The following KRT84 variants were observed in gnomAD, a reference collection of about 807,000 sequenced individuals.
The protein encoded by KRT84 is keratin, type II cuticular Hb4.
Under a neutral mutation model 49.0 loss-of-function variants are expected in KRT84, and 38 were observed. The ratio of observed to expected loss-of-function variants is 0.78; its 90% CI spans 0.60 to 1.02. The LOEUF (loss-of-function observed/expected upper bound fraction) is 1.02. Ranked by LOEUF, KRT84 falls within the 50% of genes least tolerant of loss-of-function variation. The pLI, the probability that KRT84 is intolerant of heterozygous loss-of-function variation, is 0.00. For missense variants in KRT84, 860 were observed against 788.6 expected (o/e 1.09, Z -1.08); for synonymous variants, 334 against 312.8 (o/e 1.07, Z -0.72).
rs1939508933 is a variant in KRT84, at chr12:52,382,908, C to G, written c.816+97G>C. Reference sequence around the variant, plus strand: ...TCCACTGTCTTGATGTGAGTAGTCCCAGACTCCACAGGGCTGCCTGAGCAG... The same window carrying G: ...TCCACTGTCTTGATGTGAGTAGTCCGAGACTCCACAGGGCTGCCTGAGCAG... On this transcript the variant is annotated intron_variant, in intron 3 of 8. Transcript: ENST00000257951. The G allele has an allele frequency of 5.5e-5, 54 of 986,436 alleles. No homozygotes were observed. In the South Asian group the frequency reaches 6.5e-4, roughly 12 times the overall value. The allele number at this position is 986,436 out of a possible 1,614,324, so 61.1% of individuals were successfully genotyped here. A position where few individuals can be genotyped will look rare whatever the true frequency, so the allele number is the denominator to read the frequency against.
At position 52,385,222 on chromosome 12, in the gene KRT84, A is replaced by C. The variant is rs144471272; in HGVS notation, c.364T>G (p.Phe122Val). 4,188 of 1,613,704 alleles carry C rather than the reference A, an allele frequency of 2.6e-3. 6 individuals are homozygous for C. Among genetic ancestry groups the C allele is most frequent in the Non-Finnish European group, 3.2e-3 (3,827 of 1,179,722 alleles). ...GIGYGFGGPGFGYRVGGVGVP... is the reference protein window; with the variant it reads ...GIGYGFGGPGVGYRVGGVGVP... ...CCAACCCCTCCAACTCTGTAACCAA[A>C]GCCAGGGCCACCAAAGCCATAGCCA... Residue 122 changes from phenylalanine (F) to valine (V), a missense_variant, in exon 1 of 9, where the codon TTT becomes GTT. Coordinates refer to ENST00000257951, the MANE Select transcript of KRT84 (RefSeq NM_033045.4).
intron 8 of KRT84, among the ~76,000 whole-genome samples, chr12:52,378,656 A>G (rs569930976): frequency 6.6e-6 from 1 of 152,370 alleles, no homozygotes; most frequent in South Asian, 2.1e-4. Context: ...GTTGACTGTC[A>G]TTTATATACG....
In KRT84 at chr12:52,385,601, G is replaced by A. The variant is rs1216329754; in HGVS notation, c.-16C>T. 7.5e-6 allele frequency: 12 copies of A among 1,608,056 alleles called. No individual in the cohort carries two copies. The highest frequency in any genetic ancestry group is 6.6e-5 in the South Asian group (6 of 90,414). On this transcript the variant is annotated 5_prime_UTR_variant, in exon 1 of 9. Transcript: ENST00000257951. The stretch of plus-strand genomic sequence containing the variant: ...GGCAAGACATGATGGCTTCCTGGTT[G>A]GGAGCAAAAGAGCAAGTGTAGAATG...
Position 52,380,479 on chromosome 12 carries a change from C to T in KRT84, c.1308G>A (p.Gln436=). The T allele has an allele frequency of 1.9e-6, 3 of 1,614,096 alleles. No individual in the cohort carries two copies. The highest frequency in any genetic ancestry group is 2.5e-6 in the Non-Finnish European group (3 of 1,179,912). ...KLADLECALQ[Q]AKQDMARQLC... ...GCTGCCGCGCCATGTCCTGCTTGGC[C>T]TGCTGCAGGGCACACTCCAGATCTG... Residue 436 remains glutamine, a synonymous_variant, in exon 7 of 9, where the codon CAG becomes CAA. Transcript: ENST00000257951.
chr12:52,385,274 AC>A lies in KRT84; in HGVS notation c.311del (p.Gly104ValfsTer37). The A allele has an allele frequency of 6.2e-7, 1 of 1,614,082 alleles. No individual in the cohort carries two copies. The highest frequency in any genetic ancestry group is 8.5e-7 in the Non-Finnish European group (1 of 1,180,024). ...GLGPRADSCV[G>X]LGFGAGSGIG... ...TGCCACTGCCAGCTCCAAAGCCCAG[AC>A]CAACACAGCTGTCAGCCCTAGGCCC... On this transcript the variant is annotated frameshift_variant, in exon 1 of 9. Transcript: ENST00000257951. LOFTEE classifies it high-confidence loss of function.
chr12:52,385,051 A>C lies in KRT84; in HGVS notation c.535T>G (p.Phe179Val). 6.2e-7 allele frequency: 1 copy of C among 1,607,088 alleles called. No homozygotes were observed. The highest frequency in any genetic ancestry group is 8.5e-7 in the Non-Finnish European group (1 of 1,176,676). Reference protein sequence around the residue: ...IKTLNNKFASFIDKVRFLEQQ... With the variant: ...IKTLNNKFASVIDKVRFLEQQ... ...GCTATCATAGGTACCTTGTCAATGA[A>C]GGAGGCAAACTTGTTGTTGAGGGTC... The change falls in exon 1 of 9, where the codon TTC becomes GTC. Residue 179 changes from phenylalanine (F) to valine (V), a missense_variant. Physicochemically the swap from Phe to Val is conservative, Grantham distance 50 (BLOSUM62 -1). Coordinates refer to ENST00000257951, the MANE Select transcript of KRT84 (RefSeq NM_033045.4).
chr12:52,384,976 A>G, intron 1 of KRT84, 64 bp downstream of exon 1: 1 of 1,490,166 alleles, frequency 6.7e-7, no homozygotes, highest in Non-Finnish European at 9.1e-7. Flanking sequence ...TTTAAGGGAA[A>G]GAGCACTCTA....
At chr12:52,381,935 C>G (rs1322677377) in intron 4 of KRT84, among the ~76,000 whole-genome samples, 1 of 152,142 alleles carries the variant, frequency 6.6e-6, no homozygotes, top group South Asian at 2.1e-4. Context: ...ATCCCAAGCC[C>G]TTAATAGAAG....
rs553153850 is a variant in KRT84, at chr12:52,380,216, G to C, written c.1424+147C>G. ...GAGCCTTCTTCTGATTCCCTGACAA[G>C]GGCAATGCAACTAATGTTTGCAGAG... On this transcript the variant is annotated intron_variant, in intron 7 of 8. Coordinates refer to ENST00000257951, the MANE Select transcript of KRT84 (RefSeq NM_033045.4). The C allele has an allele frequency of 3.0e-4, 298 of 1,003,184 alleles. 1 individual carries two copies. In the African/African-American group the frequency reaches 4.4e-3, roughly 15 times the overall value. 62.1% of individuals were successfully genotyped at this position (1,003,184 alleles called of 1,614,324 possible). A position where few individuals can be genotyped will look rare whatever the true frequency, so the allele number is the denominator to read the frequency against.
At chr12:52,379,137 A>T (rs914073454) in intron 8 of KRT84, among the ~76,000 whole-genome samples, 1 of 152,184 alleles carries the variant, frequency 6.6e-6, no homozygotes, top group African/African-American at 2.4e-5. Context: ...TGTAGCTCTG[A>T]CTGTCTGACC....
chr12:52,383,410 TC>T lies in KRT84; in HGVS notation c.755+179del, dbSNP rs142699874. On this transcript the variant is annotated intron_variant, in intron 2 of 8. Coordinates refer to ENST00000257951, the MANE Select transcript of KRT84 (RefSeq NM_033045.4). ...AAGATACTGAACATGGGCACCTTTTTCCTCAGGAGGGCCTCCTCTTCTCTGT... is the reference window on the plus strand; with the variant it reads ...AAGATACTGAACATGGGCACCTTTTTCTCAGGAGGGCCTCCTCTTCTCTGT... Among the ~76,000 whole-genome samples the T allele has an allele frequency of 5.3e-5, 8 of 152,314 alleles. No individual in the cohort carries two copies. In the East Asian group the frequency reaches 1.2e-3, roughly 22 times the overall value.
chr12:52,383,112 G>T, intron 2 of KRT84, 47 bp from the exon 3 acceptor site: 2 of 1,506,148 alleles, frequency 1.3e-6, no homozygotes, highest in Non-Finnish European at 1.8e-6. Context: ...GAACTGAGAG[G>T]CAGTTACTCC....
rs1224804209 is a variant in KRT84, at chr12:52,382,461, G to C, written c.888C>G (p.Asp296Glu). The change falls in exon 4 of 9, where the codon GAC (aspartate) becomes GAG (glutamate). Residue 296 changes from aspartate to glutamate, a missense_variant. Coordinates refer to ENST00000257951, the MANE Select transcript of KRT84 (RefSeq NM_033045.4). ...CCTCCATGTAAAGCGTTTTTAGAAAGTCAATTTCCTGAGTTAGGGTATCCA... is the reference window on the plus strand; with the variant it reads ...CCTCCATGTAAAGCGTTTTTAGAAACTCAATTTCCTGAGTTAGGGTATCCA... ...ANVDTLTQEIDFLKTLYMEEI... is the reference protein window; with the variant it reads ...ANVDTLTQEIEFLKTLYMEEI... 6.2e-7 allele frequency: 1 copy of C among 1,613,986 alleles called. No individual in the cohort carries two copies. The highest frequency in any genetic ancestry group is 2.2e-5 in the East Asian group (1 of 44,880).
chr12:52,382,527 C>T lies in KRT84; in HGVS notation c.822G>A (p.Val274=). ...ENEFVALKKD[V]DAAFMNKSDL... is the part of the protein sequence containing the mutation. ...CAGACTTGTTCATGAAAGCTGCATC[C>T]ACATCCTGTATAAAACAGAGAAGGA... The change falls in exon 4 of 9, where the codon GTG becomes GTA. Residue 274 remains valine (V), a synonymous_variant. Transcript: ENST00000257951. The T allele has an allele frequency of 6.2e-7, 1 of 1,612,366 alleles. No homozygotes were observed. Among genetic ancestry groups the T allele is most frequent in the South Asian group, 1.1e-5 (1 of 91,038 alleles).
chr12:52,386,822 A>T (rs1371740040), upstream of KRT84, among the ~76,000 whole-genome samples: 2 of 152,082 alleles, frequency 1.3e-5, no homozygotes, highest in African/African-American at 4.8e-5. Flanking sequence ...GCTGGTGTTT[A>T]CCTTTTCTAT....
At chr12:52,383,542 G>A (rs1449103767) in intron 2 of KRT84, 48 bp downstream of exon 2, 1 of 1,540,006 alleles carries the variant, frequency 6.5e-7, no homozygotes, top group Admixed American at 1.7e-5. Flanking sequence ...CTAATTCTGG[G>A]GCCAGGCCTG....
At chr12:52,381,240 G>A in intron 5 of KRT84, 35 bp from the exon 6 acceptor site, 1 of 1,613,140 alleles carries the variant, frequency 6.2e-7, no homozygotes, top group Non-Finnish European at 8.5e-7. Flanking sequence ...AGGGTTCGGA[G>A]GTCAGGTCAG....
chr12:52,383,844 G>A (rs1264094637), intron 1 of KRT84, 46 bp from the exon 2 acceptor site: 1 of 1,514,662 alleles, frequency 6.6e-7, no homozygotes, highest in Admixed American at 1.7e-5. Flanking sequence ...GCTTGATAGG[G>A]TTCATGCCTT....
At position 52,385,309 on chromosome 12, in the gene KRT84, C is replaced by T. The variant is rs781097513; in HGVS notation, c.277G>A (p.Val93Ile). ...CGMGFGDGRG[V>I]GLGPRADSCV... ...CTGTCAGCCCTAGGCCCCAGACCAACACCTCTCCCATCACCAAAACCCATC... is the reference window on the plus strand; with the variant it reads ...CTGTCAGCCCTAGGCCCCAGACCAATACCTCTCCCATCACCAAAACCCATC... The change falls in exon 1 of 9, where the codon GTT becomes ATT. Residue 93 changes from valine to isoleucine, a missense_variant. Val to Ile is a conservative substitution (Grantham distance 29, BLOSUM62 3). Coordinates refer to ENST00000257951, the MANE Select transcript of KRT84 (RefSeq NM_033045.4). 3.7e-6 allele frequency: 6 copies of T among 1,614,170 alleles called. No individual in the cohort carries two copies. Among genetic ancestry groups the T allele is most frequent in the Admixed American group, 3.3e-5 (2 of 60,026 alleles).
Sources: allele counts gnomAD v4.1 joint callset (sites outside exome capture counted in the v4.1 genomes callset), GRCh38; gene constraint gnomAD v4.1.1; transcripts MANE v1.5; gene names NCBI Gene and HGNC (gene_info 2026-07-23, HGNC 2026-07-21).